ELF2: variants seen among roughly 807,000 people sequenced by gnomAD.
The protein encoded by ELF2 is ETS-related transcription factor Elf-2.
A neutral mutation model predicts 54.8 loss-of-function variants in ELF2; 11 were observed. The ratio of observed to expected loss-of-function variants is 0.20; its 90% CI spans 0.13 to 0.33. The LOEUF is 0.33. ELF2 is among the 10% of genes least tolerant of loss of function. ELF2 has a pLI of 1.00. For synonymous variants in ELF2, 203 were observed against 245.1 expected (o/e 0.83, Z 1.61); for missense variants, 513 against 703.0 (o/e 0.73, Z 3.06).
intron 4 of ELF2, among the ~76,000 whole-genome samples, chr4:139,106,956 G>C (rs1734481872): frequency 6.6e-6 from 1 of 151,496 alleles, no homozygotes; most frequent in African/African-American, 2.4e-5. Context: ...ACGTTACTCA[G>C]GCTGGTTGCA....
upstream of ELF2, among the ~76,000 whole-genome samples, chr4:139,177,629 G>C (rs1467347425): frequency 6.6e-6 from 1 of 152,130 alleles, no homozygotes; most frequent in Non-Finnish European, 1.5e-5. Context: ...GATTGGTGCA[G>C]GGGGCTCTGC....
At chr4:139,103,397 C>A (rs1734109644) in intron 4 of ELF2, among the ~76,000 whole-genome samples, 1 of 152,216 alleles carries the variant, frequency 6.6e-6, no homozygotes, top group African/African-American at 2.4e-5. Flanking sequence ...CCACTCCCAA[C>A]CTCTGGGCCT....
chr4:139,070,634 C>CA (rs1469006399), intron 6 of ELF2, among the ~76,000 whole-genome samples: 2 of 152,186 alleles, frequency 1.3e-5, no homozygotes, highest in East Asian at 3.8e-4. Flanking sequence ...TGACAGCTCT[C>CA]ATTGGATGCA....
chr4:139,174,580 A>G (rs757698082), intron 1 of ELF2, among the ~76,000 whole-genome samples: 8 of 149,156 alleles, frequency 5.4e-5, no homozygotes, highest in Non-Finnish European at 1.0e-4. Context: ...GATTCAATCA[A>G]TGAGGTACAG....
chr4:139,153,489 C>A (rs1260042319), intron 1 of ELF2, among the ~76,000 whole-genome samples: 4 of 151,848 alleles, frequency 2.6e-5, no homozygotes, highest in Non-Finnish European at 4.4e-5. Context: ...AATCTTGGGA[C>A]CTCCAAACTC....
chr4:139,160,354 C>T (rs1741003608), intron 1 of ELF2, among the ~76,000 whole-genome samples: 1 of 152,178 alleles, frequency 6.6e-6, no homozygotes. Context: ...TATTTATCTT[C>T]TCCAGATCTC....
At position 139,148,427 on chromosome 4, in the gene ELF2, T is replaced by G. The variant is rs183935205; in HGVS notation, c.-251-8930A>C. ...AGTGAACACCTGGGCTCCTCCTGCCTTGGCCTCCCAAAGTGCTGTGATTGC... is the reference window on the plus strand; with the variant it reads ...AGTGAACACCTGGGCTCCTCCTGCCGTGGCCTCCCAAAGTGCTGTGATTGC... On this transcript the variant is annotated intron_variant, in intron 1 of 9. Coordinates refer to ENST00000686138, the MANE Select transcript of ELF2 (RefSeq NM_001331036.3). Among the ~76,000 whole-genome samples the G allele has an allele frequency of 1.9e-3, 278 of 145,582 alleles. 1 individual carries two copies. Among genetic ancestry groups the G allele is most frequent in the African/African-American group, 6.3e-3 (253 of 39,892 alleles).
chr4:139,176,561 T>C (rs1287203226), intron 1 of ELF2, among the ~76,000 whole-genome samples: 1 of 151,760 alleles, frequency 6.6e-6, no homozygotes, highest in Non-Finnish European at 1.5e-5. Flanking sequence ...CCCCGCGGGA[T>C]GAGGCGGGTC....
Position 139,058,446 on chromosome 4 carries a change from C to CT in ELF2, c.*536dup, listed in dbSNP as rs1727340265. 6.8e-6 allele frequency: 1 copy of CT among 147,682 alleles called. No homozygotes were observed. Among genetic ancestry groups the CT allele is most frequent in the Admixed American group, 6.8e-5 (1 of 14,790 alleles). 9.1% of individuals were successfully genotyped at this position (147,682 alleles called of 1,614,324 possible). ...ATATATATATAAAATCGCACTAGATCTTTTTTTGCTATCCTCTTTCTGAAG... is the reference window on the plus strand; with the variant it reads ...ATATATATATAAAATCGCACTAGATCTTTTTTTTGCTATCCTCTTTCTGAAG... On this transcript the variant is annotated 3_prime_UTR_variant, in exon 10 of 10. Transcript: ENST00000686138.
chr4:139,077,096 A>C (rs1241599878), intron 4 of ELF2, among the ~76,000 whole-genome samples: 1 of 152,176 alleles, frequency 6.6e-6, no homozygotes, highest in Non-Finnish European at 1.5e-5. Context: ...CACAAGTGTG[A>C]ACAGATTTCT....
intron 7 of ELF2, chr4:139,066,038 T>G (rs1219006571): frequency 3.3e-5 from 4 of 121,622 alleles, no homozygotes; most frequent in African/African-American, 1.2e-4. Context: ...TTTTTTGACC[T>G]AATGAAATAC....
chr4:139,084,297 A>C, intron 4 of ELF2: 2 of 1,598,188 alleles, frequency 1.3e-6, no homozygotes, highest in Non-Finnish European at 1.7e-6. Context: ...CGTGCGACCG[A>C]CACACACTCA....
intron 1 of ELF2, among the ~76,000 whole-genome samples, chr4:139,176,404 C>T (rs980480238): frequency 2.6e-5 from 4 of 152,076 alleles, no homozygotes; most frequent in Non-Finnish European, 5.9e-5. Context: ...AGCGCCCCCC[C>T]CCGCCTGCCC....
At chr4:139,107,419 T>G (rs893281664) in intron 4 of ELF2, among the ~76,000 whole-genome samples, 2 of 152,222 alleles carry the variant, frequency 1.3e-5, no homozygotes, top group African/African-American at 2.4e-5. Flanking sequence ...ATGTTTGAGG[T>G]GATGGATATC....
chr4:139,122,862 A>C (rs1280896531), intron 4 of ELF2, among the ~76,000 whole-genome samples: 1 of 152,030 alleles, frequency 6.6e-6, no homozygotes, highest in East Asian at 1.9e-4. Context: ...ATCTATGAAT[A>C]TTAACAATCT....
At chr4:139,073,101 A>G (rs1729751446) in intron 5 of ELF2, among the ~76,000 whole-genome samples, 1 of 152,144 alleles carries the variant, frequency 6.6e-6, no homozygotes, top group African/African-American at 2.4e-5. Flanking sequence ...CATTGAATAA[A>G]GGATTGAAAG....
intron 5 of ELF2, among the ~76,000 whole-genome samples, chr4:139,072,968 T>C (rs1453856636): frequency 2.0e-5 from 3 of 152,288 alleles, no homozygotes; most frequent in Non-Finnish European, 4.4e-5. Flanking sequence ...TCAAAGTTTT[T>C]CTTAAAGACT....
chr4:139,157,721 T>C (rs1379415995), intron 1 of ELF2, among the ~76,000 whole-genome samples: 3 of 152,218 alleles, frequency 2.0e-5, no homozygotes, highest in Non-Finnish European at 4.4e-5. Flanking sequence ...GATATTTTGA[T>C]GCTTCCTTTA....
chr4:139,057,619 C>A lies in ELF2; in HGVS notation c.*1364G>T, dbSNP rs1727224489. 6.6e-6 allele frequency: 1 copy of A among 152,154 alleles called. No individual in the cohort carries two copies. Among genetic ancestry groups the A allele is most frequent in the African/African-American group, 2.4e-5 (1 of 41,450 alleles). The allele number at this position is 152,154 out of a possible 1,614,324, so 9.4% of individuals were successfully genotyped here. Reference sequence around the variant, plus strand: ...TTAAAGTGTTTTACAAATATAAATTCTTTAAGTGCAGCCAACTAAAATACT... The same window carrying A: ...TTAAAGTGTTTTACAAATATAAATTATTTAAGTGCAGCCAACTAAAATACT... On this transcript the variant is annotated 3_prime_UTR_variant, in exon 10 of 10. Transcript: ENST00000686138.
Sources: gnomAD v4.1 joint callset for allele counts (sites outside exome capture counted in the v4.1 genomes callset) on GRCh38, gnomAD v4.1.1 for gene constraint, MANE v1.5 for transcripts, NCBI Gene and HGNC (gene_info 2026-07-23, HGNC 2026-07-21) for gene names.